FOXP2: variants seen among roughly 807,000 people sequenced by gnomAD.
FOXP2 encodes the protein forkhead box protein P2.
In FOXP2, 12 loss-of-function variants were observed where a neutral mutation model predicts 115.8. The ratio of observed to expected loss-of-function variants is 0.10; its 90% CI spans 0.07 to 0.17. The LOEUF is 0.17. Ranked by LOEUF, FOXP2 falls within the 10% of genes least tolerant of loss-of-function variation. FOXP2 has a pLI of 1.00. For synonymous variants in FOXP2, 328 were observed against 297.7 expected (o/e 1.10, Z -1.05); for missense variants, 629 against 843.5 (o/e 0.75, Z 3.15).
At chr7:114,346,162 T>A (rs764586649) in intron 2 of FOXP2, among the ~76,000 whole-genome samples, 6 of 151,830 alleles carry the variant, frequency 4.0e-5, no homozygotes, top group Non-Finnish European at 7.4e-5. Context: ...TTAAAATAAT[T>A]TATCAGGAGT....
rs561054784 is a variant in FOXP2, at chr7:114,596,896, A to G, written c.259-31644A>G. Among the ~76,000 whole-genome samples the G allele has an allele frequency of 9.9e-5, 15 of 152,214 alleles. 1 individual carries two copies. The South Asian group carries it at 3.1e-3, about 32-fold the overall frequency. Reference sequence around the variant, plus strand: ...TCATTAGTAAACAAATTTGAATGCTATAGTCTCAGCCCTGACCTCAGAGGT... The same window carrying G: ...TCATTAGTAAACAAATTTGAATGCTGTAGTCTCAGCCCTGACCTCAGAGGT... On this transcript the variant is annotated intron_variant, in intron 3 of 16. Coordinates refer to ENST00000350908, the MANE Select transcript of FOXP2 (RefSeq NM_014491.4).
At chr7:114,211,553 G>C (rs1287164317) in intron 1 of FOXP2, among the ~76,000 whole-genome samples, 1 of 152,214 alleles carries the variant, frequency 6.6e-6, no homozygotes, top group Non-Finnish European at 1.5e-5. Flanking sequence ...AGTCGAAGGT[G>C]CTGAATTCAC....
At chr7:114,535,412 T>C (rs1799334987) in intron 3 of FOXP2, among the ~76,000 whole-genome samples, 1 of 151,636 alleles carries the variant, frequency 6.6e-6, no homozygotes, top group Non-Finnish European at 1.5e-5. Flanking sequence ...ATAAAACATC[T>C]CTCAAAGTGT....
intron 3 of FOXP2, among the ~76,000 whole-genome samples, chr7:114,586,604 A>G (rs932576867): frequency 1.4e-4 from 22 of 152,022 alleles, no homozygotes; most frequent in African/African-American, 4.3e-4. Flanking sequence ...TAATTTTTAC[A>G]AATTAAAAAA....
chr7:114,494,188 A>T (rs577767369), intron 2 of FOXP2, among the ~76,000 whole-genome samples: 10 of 152,220 alleles, frequency 6.6e-5, no homozygotes, highest in African/African-American at 9.6e-5. Flanking sequence ...GATAAAAAGT[A>T]GAACTTTATA....
At chr7:114,167,337 G>T (rs928930311) in intron 1 of FOXP2, among the ~76,000 whole-genome samples, 1 of 152,190 alleles carries the variant, frequency 6.6e-6, no homozygotes, top group Non-Finnish European at 1.5e-5. Flanking sequence ...ATATGAAGTG[G>T]CTGCATACTG....
At chr7:114,332,613 T>C (rs1797740263) in intron 2 of FOXP2, among the ~76,000 whole-genome samples, 1 of 151,986 alleles carries the variant, frequency 6.6e-6, no homozygotes, top group Admixed American at 6.5e-5. Flanking sequence ...AGCATCTCTT[T>C]TTTATTTTCC....
chr7:114,127,444 C>A (rs1350663804), intron 1 of FOXP2, among the ~76,000 whole-genome samples: 2 of 152,130 alleles, frequency 1.3e-5, no homozygotes, highest in Non-Finnish European at 2.9e-5. Context: ...CCTAAAATTT[C>A]TTTTGGGTGC....
chr7:114,288,019 G>C (rs1277003766), exon 2 of FOXP2: 1 of 450,838 alleles, frequency 2.2e-6, no homozygotes, highest in Admixed American at 2.4e-5. Context: ...CTATTAACAG[G>C]TCTACTCTAA....
intron 16 of FOXP2, among the ~76,000 whole-genome samples, chr7:114,673,221 G>A (rs949744040): frequency 6.6e-6 from 1 of 152,062 alleles, no homozygotes; most frequent in Non-Finnish European, 1.5e-5. Context: ...GAACTATAAG[G>A]GTCCTTAGAT....
chr7:114,203,517 C>G (rs1363839728), intron 1 of FOXP2, among the ~76,000 whole-genome samples: 1 of 151,480 alleles, frequency 6.6e-6, no homozygotes, highest in African/African-American at 2.4e-5. Flanking sequence ...TTCTTTTTTT[C>G]TATTTTTGTA....
intron 1 of FOXP2, among the ~76,000 whole-genome samples, chr7:114,210,803 A>G (rs893102535): frequency 6.6e-6 from 1 of 152,016 alleles, no homozygotes; most frequent in Non-Finnish European, 1.5e-5. Context: ...TGGGAGCTTC[A>G]TCCCAGGGAG....
intron 1 of FOXP2, among the ~76,000 whole-genome samples, chr7:114,267,728 A>AAAATAAAT (rs200341220): frequency 6.8e-5 from 9 of 131,820 alleles, no homozygotes; most frequent in South Asian, 5.0e-4. Context: ...CTCCATCTCA[A>AAAATAAAT]AAATAAATAA....
upstream of FOXP2, among the ~76,000 whole-genome samples, chr7:114,158,130 A>G (rs940715979): frequency 1.3e-5 from 2 of 152,116 alleles, no homozygotes; most frequent in African/African-American, 4.8e-5. Flanking sequence ...CATTTACTAG[A>G]TGTTTTAAAG....
intron 2 of FOXP2, among the ~76,000 whole-genome samples, chr7:114,325,636 G>T (rs1035669418): frequency 7.2e-5 from 11 of 151,738 alleles, no homozygotes; most frequent in Admixed American, 2.6e-4. Context: ...TAGTCAATTT[G>T]CTACCATTAT....
At chr7:114,578,241 C>A (rs762819047) in intron 3 of FOXP2, among the ~76,000 whole-genome samples, 2 of 151,872 alleles carry the variant, frequency 1.3e-5, no homozygotes, top group Admixed American at 1.3e-4. Flanking sequence ...TGCGTATCTA[C>A]TCTTTTCTCC....
At chr7:114,522,920 A>G (rs1798690117) in intron 2 of FOXP2, among the ~76,000 whole-genome samples, 1 of 152,042 alleles carries the variant, frequency 6.6e-6, no homozygotes, top group Non-Finnish European at 1.5e-5. Context: ...ACACAGGCAT[A>G]TATATGCTTC....
intron 2 of FOXP2, among the ~76,000 whole-genome samples, chr7:114,298,600 G>A (rs1796800923): frequency 6.6e-6 from 1 of 152,128 alleles, no homozygotes; most frequent in Non-Finnish European, 1.5e-5. Context: ...TGAAGGTGTG[G>A]TGCTCAGAAA....
chr7:114,259,290 A>G (rs1008013904), intron 1 of FOXP2, among the ~76,000 whole-genome samples: 4 of 152,240 alleles, frequency 2.6e-5, no homozygotes, highest in Non-Finnish European at 1.5e-5. Flanking sequence ...AAGGATAATT[A>G]TTCTAAGTAT....
Sources: allele counts gnomAD v4.1 joint callset (sites outside exome capture counted in the v4.1 genomes callset), GRCh38; gene constraint gnomAD v4.1.1; transcripts MANE v1.5; gene names NCBI Gene and HGNC (gene_info 2026-07-23, HGNC 2026-07-21).